STPG2: variants seen among roughly 807,000 people sequenced by gnomAD.
The protein encoded by STPG2 is sperm tail PG-rich repeat containing 2.
Under a neutral mutation model 54.2 loss-of-function variants are expected in STPG2, and 56 were observed. That is an observed-to-expected ratio of 1.03 (90% CI 0.83 to 1.29). STPG2 has a LOEUF of 1.29. Among genes scored for constraint, STPG2 ranks in the 50% most tolerant of loss-of-function variants. The pLI is 0.00. For missense variants in STPG2, 596 were observed against 544.9 expected (o/e 1.09, Z -0.93); for synonymous variants, 200 against 181.8 (o/e 1.10, Z -0.81).
intron 5 of STPG2, among the ~76,000 whole-genome samples, chr4:98,027,025 A>T (rs1239675981): frequency 6.6e-6 from 1 of 152,192 alleles, no homozygotes; most frequent in African/African-American, 2.4e-5. Flanking sequence ...TGCCCTCTGG[A>T]CCACATGAGT....
At chr4:97,779,068 C>G (rs1279408478) in intron 9 of STPG2, among the ~76,000 whole-genome samples, 1 of 152,160 alleles carries the variant, frequency 6.6e-6, no homozygotes, top group Non-Finnish European at 1.5e-5. Context: ...AGCAATGGAA[C>G]AAAGCTGGGT....
At chr4:98,095,799 C>G (rs1016404020) in intron 5 of STPG2, among the ~76,000 whole-genome samples, 10 of 152,174 alleles carry the variant, frequency 6.6e-5, no homozygotes, top group African/African-American at 2.4e-4. Context: ...CAAACTTAAT[C>G]TGCACTATAG....
At chr4:97,968,450 T>A (rs1298284190) in intron 7 of STPG2, among the ~76,000 whole-genome samples, 2 of 152,128 alleles carry the variant, frequency 1.3e-5, no homozygotes, top group Admixed American at 6.6e-5. Context: ...GCCAGCATCA[T>A]CCTGATACCA....
intron 10 of STPG2, among the ~76,000 whole-genome samples, chr4:97,607,153 A>G (rs190474402): frequency 6.6e-6 from 1 of 152,024 alleles, no homozygotes; most frequent in South Asian, 2.1e-4. Context: ...AAAATTTTGT[A>G]TTACTGCAAT....
chr4:97,656,509 G>T (rs1291515041), intron 10 of STPG2, among the ~76,000 whole-genome samples: 1 of 151,740 alleles, frequency 6.6e-6, no homozygotes, highest in Non-Finnish European at 1.5e-5. Context: ...ACAAGTCATT[G>T]TTGCTCAATA....
intron 7 of STPG2, among the ~76,000 whole-genome samples, chr4:97,966,081 G>A (rs1734086835): frequency 2.0e-5 from 3 of 152,248 alleles, no homozygotes; most frequent in East Asian, 1.9e-4. Flanking sequence ...GAGCTTCTCC[G>A]AGCTAAAGGA....
At chr4:97,889,915 G>C (rs952744625) in intron 8 of STPG2, among the ~76,000 whole-genome samples, 2 of 152,036 alleles carry the variant, frequency 1.3e-5, no homozygotes, top group Non-Finnish European at 2.9e-5. Context: ...CTTAAAAGTA[G>C]TTCAAGCAAT....
chr4:97,707,224 C>T (rs1245607922), intron 10 of STPG2, among the ~76,000 whole-genome samples: 1 of 152,038 alleles, frequency 6.6e-6, no homozygotes, highest in African/African-American at 2.4e-5. Context: ...AAGGCATTAA[C>T]TAAAAGAGAA....
At chr4:97,639,059 G>A (rs1454461058) in intron 10 of STPG2, among the ~76,000 whole-genome samples, 92 of 151,964 alleles carry the variant, frequency 6.1e-4, no homozygotes, top group South Asian at 3.5e-3. Flanking sequence ...TGTTTATTGC[G>A]GCATTATTCA....
intron 10 of STPG2, among the ~76,000 whole-genome samples, chr4:97,632,765 T>C (rs1721333175): frequency 6.6e-6 from 1 of 152,134 alleles, no homozygotes; most frequent in Non-Finnish European, 1.5e-5. Context: ...GAAGTGGAAA[T>C]AGAACTAATT....
At chr4:97,794,799 C>T (rs1727113916) in intron 9 of STPG2, among the ~76,000 whole-genome samples, 1 of 152,104 alleles carries the variant, frequency 6.6e-6, no homozygotes, top group Non-Finnish European at 1.5e-5. Flanking sequence ...CAAAGATTGG[C>T]TCTACAAAAT....
At chr4:98,077,654 A>G (rs1045475654) in intron 5 of STPG2, among the ~76,000 whole-genome samples, 6 of 152,370 alleles carry the variant, frequency 3.9e-5, no homozygotes, top group African/African-American at 1.4e-4. Context: ...GTTACTACAT[A>G]TGTAGAACTA....
chr4:97,528,759 C>A (rs905731602), intron 4 of STPG2, among the ~76,000 whole-genome samples: 5 of 152,136 alleles, frequency 3.3e-5, no homozygotes, highest in African/African-American at 1.2e-4. Context: ...CTCTTTGTAG[C>A]AATTGTGAAT....
intron 8 of STPG2, among the ~76,000 whole-genome samples, chr4:97,905,125 G>C (rs1473450216): frequency 6.6e-6 from 1 of 151,330 alleles, no homozygotes; most frequent in Admixed American, 6.6e-5. Context: ...GATACTCCTC[G>C]AGAAGAGCAA....
intron 8 of STPG2, among the ~76,000 whole-genome samples, chr4:97,872,566 A>C (rs934386833): frequency 2.0e-5 from 3 of 151,338 alleles, no homozygotes; most frequent in African/African-American, 7.2e-5. Context: ...GTATTCAAAA[A>C]AATCTGGAAA....
chr4:98,018,246 C>T (rs1300476751), intron 5 of STPG2, among the ~76,000 whole-genome samples: 3 of 151,952 alleles, frequency 2.0e-5, no homozygotes, highest in African/African-American at 7.3e-5. Context: ...CAATTCCCAC[C>T]TATGAGGGAG....
At chr4:97,969,185 A>G (rs1182219548) in intron 7 of STPG2, among the ~76,000 whole-genome samples, 1 of 152,168 alleles carries the variant, frequency 6.6e-6, no homozygotes, top group Non-Finnish European at 1.5e-5. Context: ...TTGTTTGTAA[A>G]CAGCTTTTGC....
Position 97,510,588 on chromosome 4 carries a change from A to G in STPG2, c.462+202111T>C, listed in dbSNP as rs377184778. ...CTTTTTGGCACCAGGGACCAGTTTC[A>G]TGGAAGACAATTTTTCCATGGACTG... is the stretch of plus-strand genomic sequence containing the variant. On this transcript the variant is annotated intron_variant, in intron 4 of 4. Coordinates refer to the STPG2 transcript ENST00000522676. Among the ~76,000 whole-genome samples, 29 of 152,146 alleles carry G rather than the reference A, an allele frequency of 1.9e-4. No individual in the cohort carries two copies. The East Asian group carries it at 5.6e-3, about 30-fold the overall frequency.
At chr4:98,011,034 C>T (rs1025563338) in intron 5 of STPG2, among the ~76,000 whole-genome samples, 2 of 152,072 alleles carry the variant, frequency 1.3e-5, no homozygotes, top group African/African-American at 2.4e-5. Flanking sequence ...TAGTGGTTTG[C>T]TGCACTGATC....
Sources: gnomAD v4.1 joint callset for allele counts (sites outside exome capture counted in the v4.1 genomes callset) on GRCh38, gnomAD v4.1.1 for gene constraint, MANE v1.5 for transcripts, NCBI Gene and HGNC (gene_info 2026-07-23, HGNC 2026-07-21) for gene names.